The following PABPC4L variants were observed in gnomAD, a reference collection of about 807,000 sequenced individuals.
PABPC4L encodes the protein polyadenylate-binding protein 4-like.
For synonymous variants in PABPC4L, 169 were observed against 164.1 expected, an observed-to-expected ratio of 1.03 and a Z score of -0.23; for missense variants, 452 against 451.4, an observed-to-expected ratio of 1.00 and a Z score of -0.01.
At chr4:134,164,203 C>G in the PABPC4L span, among the ~76,000 whole-genome samples, 11 of 124,060 alleles carry the variant, frequency 8.9e-5, no homozygotes, top group Admixed American at 3.2e-4. Flanking sequence ...GCGGAGCTTG[C>G]AGTGAGCCGA....
chr4:134,063,709 T>C, the PABPC4L span, among the ~76,000 whole-genome samples: 2 of 152,048 alleles, frequency 1.3e-5, no homozygotes, highest in East Asian at 1.9e-4. Flanking sequence ...CATAATTTTG[T>C]TTAATATATA....
the PABPC4L span, among the ~76,000 whole-genome samples, chr4:134,160,997 T>C: frequency 6.6e-6 from 1 of 151,906 alleles, no homozygotes. Flanking sequence ...AGACAATTAA[T>C]TCAAAATAGC....
At chr4:133,965,736 A>G in the PABPC4L span, among the ~76,000 whole-genome samples, 1 of 152,164 alleles carries the variant, frequency 6.6e-6, no homozygotes, top group African/African-American at 2.4e-5. Context: ...CTTTTCAACA[A>G]ATGATGCTAG....
At chr4:133,965,621 A>C in the PABPC4L span, among the ~76,000 whole-genome samples, 1 of 152,190 alleles carries the variant, frequency 6.6e-6, no homozygotes, top group Non-Finnish European at 1.5e-5. Context: ...AAATATTCAC[A>C]TAGACCAATG....
chr4:134,092,504 A>G, the PABPC4L span, among the ~76,000 whole-genome samples: 2 of 151,982 alleles, frequency 1.3e-5, no homozygotes. Context: ...ACAAGAACCC[A>G]GGTACCAAGA....
At chr4:134,010,834 T>A in the PABPC4L span, 1 of 152,130 alleles carries the variant, frequency 6.6e-6, no homozygotes, top group African/African-American at 2.4e-5. Context: ...CAGATACCCA[T>A]GATGAAAAAG....
chr4:134,067,867 T>C, the PABPC4L span, among the ~76,000 whole-genome samples: 2 of 152,192 alleles, frequency 1.3e-5, no homozygotes, highest in African/African-American at 2.4e-5. Flanking sequence ...TTTTAATTTT[T>C]TATTGCATTG....
the PABPC4L span, among the ~76,000 whole-genome samples, chr4:134,105,151 A>C: frequency 6.6e-6 from 1 of 151,724 alleles, no homozygotes; most frequent in East Asian, 1.9e-4. Context: ...AGGAGTGAAA[A>C]ATGAGGTCGT....
At chr4:134,020,978 A>G in the PABPC4L span, among the ~76,000 whole-genome samples, 2 of 152,122 alleles carry the variant, frequency 1.3e-5, no homozygotes, top group Non-Finnish European at 2.9e-5. Context: ...TTGGGCACAC[A>G]AGAATTTACA....
the PABPC4L span, among the ~76,000 whole-genome samples, chr4:134,080,692 A>T: frequency 6.6e-6 from 1 of 152,204 alleles, no homozygotes; most frequent in East Asian, 1.9e-4. Flanking sequence ...TTACATAAAA[A>T]TTATAGGAAG....
chr4:134,146,099 A>T, the PABPC4L span, among the ~76,000 whole-genome samples: 2 of 151,512 alleles, frequency 1.3e-5, no homozygotes, highest in Non-Finnish European at 2.9e-5. Flanking sequence ...AAATTAGTAA[A>T]ATGTACATGT....
the PABPC4L span, among the ~76,000 whole-genome samples, chr4:134,097,698 C>G: frequency 3.3e-5 from 5 of 151,442 alleles, no homozygotes; most frequent in Non-Finnish European, 7.4e-5. Context: ...CAGCAGAGGA[C>G]AAAACAAATC....
the PABPC4L span, among the ~76,000 whole-genome samples, chr4:134,078,668 T>C: frequency 8.8e-6 from 1 of 114,118 alleles, no homozygotes; most frequent in Non-Finnish European, 1.8e-5. Flanking sequence ...TTTTTTTTTT[T>C]CAGACGGAGT....
chr4:133,983,709 G>A, the PABPC4L span, among the ~76,000 whole-genome samples: 1 of 151,626 alleles, frequency 6.6e-6, no homozygotes, highest in Non-Finnish European at 1.5e-5. Flanking sequence ...GGAATATTTT[G>A]TATTACATTT....
the PABPC4L span, among the ~76,000 whole-genome samples, chr4:134,008,453 A>C: frequency 6.6e-6 from 1 of 151,740 alleles, no homozygotes; most frequent in Non-Finnish European, 1.5e-5. Context: ...GCCTATAAGA[A>C]AGTATTAAAA....
the PABPC4L span, among the ~76,000 whole-genome samples, chr4:134,183,528 G>C: frequency 6.6e-6 from 1 of 151,440 alleles, no homozygotes; most frequent in Non-Finnish European, 1.5e-5. Context: ...TATTACCTGG[G>C]TGACAAAATA....
chr4:133,951,391 A>G, the PABPC4L span, among the ~76,000 whole-genome samples: 5 of 152,272 alleles, frequency 3.3e-5, no homozygotes, highest in African/African-American at 1.2e-4. Flanking sequence ...AGAATCTGGG[A>G]ATCAGTAAAC....
chr4:134,037,093 A>C, the PABPC4L span, among the ~76,000 whole-genome samples: 2 of 151,320 alleles, frequency 1.3e-5, no homozygotes, highest in African/African-American at 4.9e-5. Context: ...ATACCTCCAG[A>C]TTTATTATTT....
At chr4:133,996,913 G>C in the PABPC4L span, among the ~76,000 whole-genome samples, 69,737 of 151,980 alleles carry the variant, frequency 0.46, 17,188 homozygotes, top group Admixed American at 0.6. Context: ...ATCAAAGGTT[G>C]GTTTCTAGAG....
Sources: allele counts gnomAD v4.1 joint callset (sites outside exome capture counted in the v4.1 genomes callset), GRCh38; gene constraint gnomAD v4.1.1; transcripts MANE v1.5; gene names NCBI Gene and HGNC (gene_info 2026-07-23, HGNC 2026-07-21).